PHF21B: variants seen among roughly 807,000 people sequenced by gnomAD.
PHF21B encodes PHD finger protein 4.
A neutral mutation model predicts 62.2 loss-of-function variants in PHF21B; 22 were observed. The observed-to-expected ratio is 0.35, with a 90% CI of 0.25 to 0.51. The LOEUF is 0.51. Among genes scored for constraint, PHF21B ranks in the 20% least tolerant of loss-of-function variants. PHF21B has a pLI of 0.97. For missense variants in PHF21B, 701 were observed against 707.9 expected, an observed-to-expected ratio of 0.99 and a Z score of 0.11; for synonymous variants, 341 against 314.7, an observed-to-expected ratio of 1.08 and a Z score of -0.88.
chr22:44,936,236 G>A (rs2071844060), intron 2 of PHF21B, among the ~76,000 whole-genome samples: 2 of 152,208 alleles, frequency 1.3e-5, no homozygotes, highest in South Asian at 4.1e-4. Flanking sequence ...TCACCTGCAT[G>A]AGCCCTGGAG....
intron 2 of PHF21B, among the ~76,000 whole-genome samples, chr22:44,934,836 C>T (rs1016208677): frequency 2.0e-5 from 3 of 152,236 alleles, no homozygotes; most frequent in African/African-American, 7.2e-5. Flanking sequence ...CTGGTCCTCA[C>T]TCTTTCCTGG....
chr22:44,960,567 G>A (rs2072398122), intron 2 of PHF21B, among the ~76,000 whole-genome samples: 1 of 152,204 alleles, frequency 6.6e-6, no homozygotes, highest in Non-Finnish European at 1.5e-5. Flanking sequence ...TAGTCACTGT[G>A]TCAACTGGAC....
At chr22:44,953,970 G>A (rs978781592) in intron 2 of PHF21B, among the ~76,000 whole-genome samples, 7 of 152,156 alleles carry the variant, frequency 4.6e-5, no homozygotes, top group East Asian at 1.9e-4. Context: ...GCAGCTCAGC[G>A]TGCCCTTGGC....
intron 2 of PHF21B, chr22:44,989,509 C>A (rs759949718): frequency 6.6e-6 from 1 of 151,460 alleles, no homozygotes; most frequent in Non-Finnish European, 1.5e-5. Flanking sequence ...ACGAGGAAAT[C>A]AGTCCCCTGC....
At chr22:44,905,135 C>T (rs2071225819) in intron 5 of PHF21B, among the ~76,000 whole-genome samples, 1 of 152,240 alleles carries the variant, frequency 6.6e-6, no homozygotes, top group Non-Finnish European at 1.5e-5. Context: ...TGCTTCTCCA[C>T]CTGCCCTGTC....
At chr22:44,900,697 C>A (rs1200182784) in intron 5 of PHF21B, among the ~76,000 whole-genome samples, 1 of 152,078 alleles carries the variant, frequency 6.6e-6, no homozygotes, top group Non-Finnish European at 1.5e-5. Flanking sequence ...TATTTTCTTG[C>A]AGATGTTACT....
intron 5 of PHF21B, among the ~76,000 whole-genome samples, chr22:44,909,237 C>T (rs1486073141): frequency 6.6e-6 from 1 of 152,216 alleles, no homozygotes; most frequent in Non-Finnish European, 1.5e-5. Context: ...TGTATAAATG[C>T]ACAATAATTG....
At chr22:44,957,727 G>A (rs1420766399) in intron 2 of PHF21B, among the ~76,000 whole-genome samples, 1 of 152,096 alleles carries the variant, frequency 6.6e-6, no homozygotes, top group Non-Finnish European at 1.5e-5. Context: ...GGCTGCTGGG[G>A]CCCCCTCTCC....
intron 3 of PHF21B, among the ~76,000 whole-genome samples, chr22:44,917,065 C>T (rs1381096416): frequency 2.6e-5 from 4 of 152,242 alleles, no homozygotes; most frequent in Non-Finnish European, 5.9e-5. Context: ...CTGGGCCTTG[C>T]CCAGTTCTGC....
chr22:44,931,770 G>A (rs1235499511), intron 2 of PHF21B, among the ~76,000 whole-genome samples: 2 of 152,146 alleles, frequency 1.3e-5, no homozygotes, highest in Non-Finnish European at 2.9e-5. Context: ...CGTGGAGGGT[G>A]TCCGTGAGAC....
Position 44,883,199 on chromosome 22 carries a change from G to A in PHF21B, c.1483C>T (p.Leu495Phe). Residue 495 changes from leucine (L) to phenylalanine (F), a missense_variant, in exon 13 of 13, where the codon CTC (leucine) becomes TTC (phenylalanine). Physicochemically the swap from Leu to Phe is conservative, Grantham distance 22. Coordinates refer to ENST00000313237, the MANE Select transcript of PHF21B (RefSeq NM_138415.5). ...CTAGTGGTCGTCATGGTGACCTGGAGCAGCTGCTCGCCCTGTATCAGTCTC... is the reference window on the plus strand; with the variant it reads ...CTAGTGGTCGTCATGGTGACCTGGAACAGCTGCTCGCCCTGTATCAGTCTC... ...LLRLIQGEQL[L>F]QVTMTTTSPA... is the part of the protein sequence containing the mutation. The A allele has an allele frequency of 6.2e-7, 1 of 1,613,722 alleles. No individual in the cohort carries two copies.
chr22:44,885,776 C>A (rs952864454), intron 11 of PHF21B, 87 bp downstream of exon 11: 1 of 1,356,156 alleles, frequency 7.4e-7, no homozygotes, highest in Admixed American at 1.9e-5. Context: ...ACCCACCTGT[C>A]CTCCCACAGG....
At chr22:44,902,420 G>A (rs1281963680) in intron 5 of PHF21B, 9 of 232,558 alleles carry the variant, frequency 3.9e-5, no homozygotes, top group Non-Finnish European at 6.2e-5. Context: ...CTCACAAACT[G>A]GTGTTCTAAA....
intron 2 of PHF21B, among the ~76,000 whole-genome samples, chr22:44,975,514 G>A (rs2072720784): frequency 6.6e-6 from 1 of 152,228 alleles, no homozygotes; most frequent in Non-Finnish European, 1.5e-5. Context: ...TCTCATCACT[G>A]GGCGCCCTCC....
At chr22:44,910,557 C>G (rs1601590136) in intron 5 of PHF21B, among the ~76,000 whole-genome samples, 1 of 152,122 alleles carries the variant, frequency 6.6e-6, no homozygotes, top group South Asian at 2.1e-4. Context: ...CTCACGAGAT[C>G]TGATGGGTGT....
intron 5 of PHF21B, among the ~76,000 whole-genome samples, chr22:44,898,416 T>C (rs1034218182): frequency 3.3e-5 from 5 of 152,040 alleles, no homozygotes; most frequent in African/African-American, 1.2e-4. Flanking sequence ...CTGGCTGAAG[T>C]GTGTCTGCCA....
Position 45,009,469 on chromosome 22 carries a change from C to T in PHF21B, c.54+27G>A. The T allele has an allele frequency of 6.5e-7, 1 of 1,526,792 alleles. No homozygotes were observed. Among genetic ancestry groups the T allele is most frequent in the Non-Finnish European group, 8.7e-7 (1 of 1,143,208 alleles). 94.6% of individuals were successfully genotyped at this position (1,526,792 alleles called of 1,614,324 possible). A position where few individuals can be genotyped will look rare whatever the true frequency, so the allele number is the denominator to read the frequency against. On this transcript the variant is annotated intron_variant, in intron 1 of 12. Coordinates refer to ENST00000313237, the MANE Select transcript of PHF21B (RefSeq NM_138415.5). This position sits in a 1 kb window ranked among gnomAD's most constrained non-coding sequence, Gnocchi z 5.9. ...CCTCACCCCGCAACACACTCCCCGG[C>T]CCCGGGCCCGGCCCCCGGCCACCTA... is the stretch of plus-strand genomic sequence containing the variant.
chr22:44,888,631 C>T (rs990105429), intron 9 of PHF21B, among the ~76,000 whole-genome samples: 3 of 152,216 alleles, frequency 2.0e-5, no homozygotes, highest in African/African-American at 7.2e-5. Context: ...GCTCTCTGTT[C>T]ACCATCCACG....
In PHF21B at chr22:44,891,343, G is replaced by A; in HGVS notation, c.978C>T (p.Ser326=). 1 of 1,613,950 alleles carries A rather than the reference G, an allele frequency of 6.2e-7. No individual in the cohort carries two copies. The highest frequency in any genetic ancestry group is 8.5e-7 in the Non-Finnish European group (1 of 1,179,994). Reference sequence around the variant, plus strand: ...GGAACAGGGGGTTGTTGAGATAGTTGGAGGCCAGCCGTTTCCTCTGCAGGG... The same window carrying A: ...GGAACAGGGGGTTGTTGAGATAGTTAGAGGCCAGCCGTTTCCTCTGCAGGG... The part of the protein sequence containing the change: ...LLETERKRLA[S]NYLNNPLFLT... Residue 326 remains serine, a synonymous_variant, in exon 8 of 13, where the codon TCC becomes TCT. Coordinates refer to ENST00000313237, the MANE Select transcript of PHF21B (RefSeq NM_138415.5).
Sources: allele counts gnomAD v4.1 joint callset (sites outside exome capture counted in the v4.1 genomes callset), GRCh38; gene constraint gnomAD v4.1.1; non-coding constraint Gnocchi (gnomAD v3.1); transcripts MANE v1.5; gene names NCBI Gene and HGNC (gene_info 2026-07-23, HGNC 2026-07-21).